The following CPQ variants were observed in gnomAD, a reference collection of about 807,000 sequenced individuals.
CPQ encodes carboxypeptidase Q.
A neutral mutation model predicts 45.7 loss-of-function variants in CPQ; 37 were observed. The ratio of observed to expected loss-of-function variants is 0.81; its 90% confidence interval spans 0.62 to 1.07. CPQ has a LOEUF of 1.07. Among genes scored for constraint, CPQ ranks in the 50% least tolerant of loss-of-function variants. The probability of loss-of-function intolerance (pLI) is 0.00; values close to 1 mark genes in which losing one functional copy is unlikely to be tolerated. For missense variants in CPQ, 537 were observed against 572.9 expected (o/e 0.94, Z 0.64); for synonymous variants, 186 against 205.8 (o/e 0.90, Z 0.82).
rs77712429 is a variant in CPQ, at chr8:96,658,184, G to A, written c.-35+12782G>A. ...TGGAGGTATCATAAACACCAACTAA[G>A]TTCTTTGAGAAGCAGAAGGTGCATC... is the stretch of plus-strand genomic sequence containing the variant. On this transcript the variant is annotated intron_variant, in intron 1 of 7. Coordinates refer to ENST00000220763, the MANE Select transcript of CPQ (RefSeq NM_016134.4). 2.4e-4 allele frequency among the ~76,000 whole-genome samples: 36 copies of A among 152,274 alleles called. No individual in the cohort carries two copies. The East Asian group carries it at 6.9e-3, about 29-fold the overall frequency.
At chr8:97,097,239 T>C (rs1357980690) in intron 7 of CPQ, among the ~76,000 whole-genome samples, 1 of 152,174 alleles carries the variant, frequency 6.6e-6, no homozygotes, top group Non-Finnish European at 1.5e-5. Context: ...TAAGGTCAAA[T>C]TCCTAATGAT....
chr8:96,684,025 T>C (rs576092464), intron 1 of CPQ, among the ~76,000 whole-genome samples: 40 of 152,328 alleles, frequency 2.6e-4, no homozygotes, highest in African/African-American at 9.4e-4. Context: ...AATTCTTTTT[T>C]AGGCATTTTA....
intron 3 of CPQ, among the ~76,000 whole-genome samples, chr8:96,840,620 T>C (rs1229699825): frequency 6.6e-6 from 1 of 152,154 alleles, no homozygotes; most frequent in Admixed American, 6.5e-5. Flanking sequence ...ATTTGGCCAT[T>C]GTGCATAGCA....
At chr8:96,757,769 G>A (rs1207105947) in intron 1 of CPQ, among the ~76,000 whole-genome samples, 1 of 151,916 alleles carries the variant, frequency 6.6e-6, no homozygotes, top group Non-Finnish European at 1.5e-5. Context: ...CTTTCTTTGA[G>A]GTTTTAGAGA....
chr8:96,715,033 A>G (rs2130756942), intron 1 of CPQ, among the ~76,000 whole-genome samples: 1 of 152,248 alleles, frequency 6.6e-6, no homozygotes, highest in African/African-American at 2.4e-5. Flanking sequence ...GGTCTCTTGA[A>G]GCTTATCTTA....
Position 96,784,892 on chromosome 8 carries a change from A to G in CPQ, c.-6A>G, listed in dbSNP as rs1465706069. The G allele has an allele frequency of 6.3e-7, 1 of 1,588,650 alleles. No individual in the cohort carries two copies. The highest frequency in any genetic ancestry group is 1.4e-5 in the African/African-American group (1 of 73,060). ...ATCTTAACAAGAAAACCAACTGGAA[A>G]AAAAAATGAAATTCCTTATCTTCGC... is the stretch of plus-strand genomic sequence containing the variant. On this transcript the variant is annotated 5_prime_UTR_variant, in exon 2 of 8. Transcript: ENST00000220763.
chr8:97,125,891 C>T (rs1352937560), intron 7 of CPQ, among the ~76,000 whole-genome samples: 1 of 151,992 alleles, frequency 6.6e-6, no homozygotes, highest in Non-Finnish European at 1.5e-5. Flanking sequence ...ATAAAGAAAT[C>T]AAAGATTACA....
At chr8:97,049,574 CTCA>C (rs1165538604) in intron 6 of CPQ, among the ~76,000 whole-genome samples, 2 of 152,168 alleles carry the variant, frequency 1.3e-5, no homozygotes, top group Non-Finnish European at 2.9e-5. Flanking sequence ...GGAGTGGAAA[CTCA>C]ATAGTGACAC....
chr8:97,001,607 G>A (rs183874213), intron 5 of CPQ, among the ~76,000 whole-genome samples: 9 of 152,002 alleles, frequency 5.9e-5, no homozygotes, highest in African/African-American at 2.2e-4. Flanking sequence ...CTTGATTGTG[G>A]TGGATAAACT....
intron 1 of CPQ, among the ~76,000 whole-genome samples, chr8:96,772,997 T>C (rs928504492): frequency 6.6e-6 from 1 of 152,152 alleles, no homozygotes; most frequent in Admixed American, 6.6e-5. Context: ...AAAGAGAGAT[T>C]TCAAGTAAAT....
intron 1 of CPQ, among the ~76,000 whole-genome samples, chr8:96,652,632 A>AATT (rs1815589163): frequency 6.6e-6 from 1 of 151,948 alleles, no homozygotes; most frequent in Non-Finnish European, 1.5e-5. Flanking sequence ...TTGTCACCAG[A>AATT]ATTTTTTTTT....
At chr8:97,090,153 A>G (rs939962607) in intron 7 of CPQ, among the ~76,000 whole-genome samples, 2 of 152,164 alleles carry the variant, frequency 1.3e-5, no homozygotes, top group African/African-American at 4.8e-5. Context: ...ATGGATTCTG[A>G]GAGTTCCCTG....
intron 1 of CPQ, among the ~76,000 whole-genome samples, chr8:96,704,159 T>C (rs1247314854): frequency 6.6e-6 from 1 of 152,148 alleles, no homozygotes; most frequent in South Asian, 2.1e-4. Flanking sequence ...AACAACCCAT[T>C]TGAGGTAATA....
In CPQ at chr8:96,747,290, C is replaced by CAA. The variant is rs397891702; in HGVS notation, c.-34-37557_-34-37556dup. ...TGGGTGACAGAGCGAATCTTTGTCTCAAAAAAAAAAAAAAAAAACACTGTT... is the reference window on the plus strand; with the variant it reads ...TGGGTGACAGAGCGAATCTTTGTCTCAAAAAAAAAAAAAAAAAAAACACTGTT... On this transcript the variant is annotated intron_variant, in intron 1 of 7. Coordinates refer to ENST00000220763, the MANE Select transcript of CPQ (RefSeq NM_016134.4). Among the ~76,000 whole-genome samples, 517 of 96,766 alleles carry CAA rather than the reference C, an allele frequency of 5.3e-3. 1 individual carries two copies. The highest frequency in any genetic ancestry group is 0.012 in the African/African-American group (297 of 24,700). The allele number at this position is 96,766 out of a possible 152,430, so 63.5% of individuals were successfully genotyped here.
intron 1 of CPQ, among the ~76,000 whole-genome samples, chr8:96,698,646 T>A (rs926055417): frequency 2.0e-5 from 3 of 152,046 alleles, no homozygotes; most frequent in Admixed American, 6.6e-5. Context: ...AACAGCTCTA[T>A]AGGAAAAAAT....
intron 5 of CPQ, among the ~76,000 whole-genome samples, chr8:97,012,077 C>T (rs374807236): frequency 1.3e-5 from 2 of 152,176 alleles, no homozygotes; most frequent in African/African-American, 4.8e-5. Flanking sequence ...CCTTTTTGTC[C>T]TCTGGATTGT....
chr8:97,030,690 C>G (rs927619879), intron 6 of CPQ, among the ~76,000 whole-genome samples: 9 of 152,110 alleles, frequency 5.9e-5, no homozygotes, highest in African/African-American at 2.2e-4. Context: ...GTACTATGTT[C>G]CATACACTAT....
Position 97,105,174 on chromosome 8 carries a change from G to C in CPQ, c.1256-37846G>C, listed in dbSNP as rs148925232. Among the ~76,000 whole-genome samples, 847 of 152,304 alleles carry C rather than the reference G, an allele frequency of 5.6e-3. 13 individuals are homozygous for C. Among genetic ancestry groups the C allele is most frequent in the African/African-American group, 0.018 (745 of 41,550 alleles). On this transcript the variant is annotated intron_variant, in intron 7 of 7. Transcript: ENST00000220763. ...AGTAATGGTCACGTGGTATCACACA[G>C]CACATGCTGAAGTTTGGGGATTTTT... is the stretch of plus-strand genomic sequence containing the variant.
intron 1 of CPQ, among the ~76,000 whole-genome samples, chr8:96,737,355 G>GATATATATATATATATAT (rs372241683): frequency 0.096 from 11,282 of 117,254 alleles, 923 homozygotes; most frequent in Non-Finnish European, 0.13. Flanking sequence ...ACTAATAGGA[G>GATATATATATATATATAT]ATATATATAT....
Sources: allele counts gnomAD v4.1 joint callset (sites outside exome capture counted in the v4.1 genomes callset), GRCh38; gene constraint gnomAD v4.1.1; transcripts MANE v1.5; gene names NCBI Gene and HGNC (gene_info 2026-07-23, HGNC 2026-07-21).